ANOS1: variants seen among roughly 807,000 people sequenced by gnomAD.
ANOS1 encodes anosmin 1, also known as anosmin-1.
In ANOS1, 6 loss-of-function variants were observed where a neutral mutation model predicts 59.0. The ratio of observed to expected loss-of-function variants is 0.10; its 90% confidence interval spans 0.06 to 0.20. The LOEUF is 0.20. ANOS1 is among the 10% of genes least tolerant of loss of function. ANOS1 has a pLI of 1.00. For missense variants in ANOS1, 433 were observed against 542.3 expected, an observed-to-expected ratio of 0.80 and a Z score of 2.00; for synonymous variants, 217 against 223.4, an observed-to-expected ratio of 0.97 and a Z score of 0.25.
At chrX:8,695,541 C>G (rs1383452297) in intron 2 of ANOS1, among the ~76,000 whole-genome samples, 1 of 110,951 alleles carries the variant, frequency 9.0e-6, no homozygotes, top group African/African-American at 3.3e-5. Context: ...CTAAATGAAG[C>G]TGAATCAGAA....
At chrX:8,646,820 C>A (rs754726161) in intron 2 of ANOS1, among the ~76,000 whole-genome samples, 1 of 107,316 alleles carries the variant, frequency 9.3e-6, no homozygotes, top group Non-Finnish European at 1.9e-5. Context: ...GTAATCCCAG[C>A]TACTTGGGAG....
intron 4 of ANOS1, among the ~76,000 whole-genome samples, chrX:8,591,745 C>T (rs1450204336): frequency 8.9e-6 from 1 of 112,345 alleles, no homozygotes; most frequent in African/African-American, 3.2e-5. Flanking sequence ...GGCTCAACCC[C>T]CCTCAAGACC....
rs1009205298 is a variant in ANOS1, at chrX:8,529,761, A to G, written c.*3234T>C. On this transcript the variant is annotated 3_prime_UTR_variant, in exon 14 of 14. Transcript: ENST00000262648. Reference sequence around the variant, plus strand: ...CTAGCAATGGTTCTCAACCAGAGGTACCATCCCTCAAGGGGTAGCTGGCAA... The same window carrying G: ...CTAGCAATGGTTCTCAACCAGAGGTGCCATCCCTCAAGGGGTAGCTGGCAA... 1 of 111,728 alleles carries G rather than the reference A, an allele frequency of 9.0e-6. No individual in the cohort carries two copies. The allele number at this position is 111,728 out of a possible 1,213,427, so 9.2% of individuals were successfully genotyped here. A position where few individuals can be genotyped will look rare whatever the true frequency, so the allele number is the denominator to read the frequency against.
At chrX:8,703,382 C>T (rs763177538) in intron 1 of ANOS1, among the ~76,000 whole-genome samples, 1 of 112,268 alleles carries the variant, frequency 8.9e-6, no homozygotes, top group Non-Finnish European at 1.9e-5. Context: ...CGCGGCAATA[C>T]ACCTTTGACT....
intron 3 of ANOS1, among the ~76,000 whole-genome samples, chrX:8,620,044 T>C (rs1376082615): frequency 8.9e-6 from 1 of 112,338 alleles, no homozygotes; most frequent in Non-Finnish European, 1.9e-5. Flanking sequence ...GCAATCCTCC[T>C]GCCTCAGCTT....
At chrX:8,709,523 G>A (rs1349368952) in intron 1 of ANOS1, among the ~76,000 whole-genome samples, 3 of 111,634 alleles carry the variant, frequency 2.7e-5, no homozygotes, top group African/African-American at 9.8e-5. Context: ...TGTCACCCAG[G>A]CTGGAGTGCA....
intron 2 of ANOS1, among the ~76,000 whole-genome samples, chrX:8,645,418 A>G (rs1931736349): frequency 9.0e-6 from 1 of 111,709 alleles, no homozygotes; most frequent in African/African-American, 3.3e-5. Flanking sequence ...CTCAGACCCC[A>G]GGCTCAAAAC....
intron 2 of ANOS1, among the ~76,000 whole-genome samples, chrX:8,644,802 G>A (rs369885069): frequency 1.8e-5 from 2 of 112,404 alleles, no homozygotes; most frequent in Non-Finnish European, 3.8e-5. Flanking sequence ...TCAACCAATC[G>A]CCAATCAGGA....
chrX:8,568,297 C>G lies in ANOS1; in HGVS notation c.1142G>C (p.Gly381Ala). ...VVELQAITYW[G>A]QTRLKSAKVS... ...CTTTGCACTCTTCAGCCGTGTCTGT[C>G]CCCAGTACGTTATGGCTTGCAATTC... The change falls in exon 8 of 14, where the codon GGA (glycine) becomes GCA (alanine). Residue 381 changes from glycine (G) to alanine (A), a missense_variant. By Grantham distance (60) the Gly-to-Ala change is moderately conservative. Transcript: ENST00000262648. 1 of 1,209,266 alleles carries G rather than the reference C, an allele frequency of 8.3e-7. No individual in the cohort carries two copies. The highest frequency in any genetic ancestry group is 1.8e-5 in the South Asian group (1 of 56,918).
intron 3 of ANOS1, among the ~76,000 whole-genome samples, chrX:8,614,275 C>T (rs1476583971): frequency 8.9e-6 from 1 of 112,302 alleles, no homozygotes; most frequent in Non-Finnish European, 1.9e-5. Flanking sequence ...ACAAAAATCA[C>T]TTTCTCAACT....
In ANOS1 at chrX:8,531,659, G is replaced by A. The variant is rs913714020; in HGVS notation, c.*1336C>T. On this transcript the variant is annotated 3_prime_UTR_variant, in exon 14 of 14. Transcript: ENST00000262648. Reference sequence around the variant, plus strand: ...ATTTCTCCAGGGATTCATGCTCAAGGTATATTCATGTATATGCATGTGTCT... The same window carrying A: ...ATTTCTCCAGGGATTCATGCTCAAGATATATTCATGTATATGCATGTGTCT... 1 of 110,911 alleles carries A rather than the reference G, an allele frequency of 9.0e-6. No homozygotes were observed. The highest frequency in any genetic ancestry group is 3.3e-5 in the African/African-American group (1 of 30,507). The allele number at this position is 110,911 out of a possible 1,213,427, so 9.1% of individuals were successfully genotyped here. A position where few individuals can be genotyped will look rare whatever the true frequency, so the allele number is the denominator to read the frequency against.
intron 1 of ANOS1, among the ~76,000 whole-genome samples, chrX:8,725,519 G>GATATAT (rs762026873): frequency 1.6e-5 from 1 of 62,356 alleles, no homozygotes; most frequent in African/African-American, 5.4e-5. Flanking sequence ...ATTATATACA[G>GATATAT]ATATATATAT....
intron 2 of ANOS1, among the ~76,000 whole-genome samples, chrX:8,646,090 G>A (rs778862434): frequency 1.8e-5 from 2 of 112,299 alleles, no homozygotes; most frequent in South Asian, 7.4e-4. Flanking sequence ...CACCGTGCTG[G>A]GACAATTTTA....
At chrX:8,599,791 G>A (rs772049287) in intron 3 of ANOS1, among the ~76,000 whole-genome samples, 3 of 112,026 alleles carry the variant, frequency 2.7e-5, no homozygotes, top group South Asian at 7.5e-4. Context: ...ATCTAGGCAG[G>A]AGACTGAATG....
chrX:8,541,418 C>G (rs766353046), intron 9 of ANOS1, among the ~76,000 whole-genome samples: 6 of 98,430 alleles, frequency 6.1e-5, no homozygotes, highest in Admixed American at 2.2e-4. Context: ...CACCCCCCCC[C>G]CAAAAACAAA....
intron 9 of ANOS1, among the ~76,000 whole-genome samples, chrX:8,546,665 A>G (rs1171518337): frequency 8.9e-6 from 1 of 111,806 alleles, no homozygotes; most frequent in East Asian, 2.8e-4. Context: ...CTGACTGCCT[A>G]TGACATTTTC....
Position 8,570,570 on chromosome X carries a change from A to G in ANOS1, c.991T>C (p.Phe331Leu). The part of the protein sequence containing the change: ...PDIPVHHYKV[F>L]WSWMVSSKSL... Reference sequence around the variant, plus strand: ...TTACTGCTGACCATCCAGCTCCAAAAGACCTTGTAATGATGCACAGGGATG... The same window carrying G: ...TTACTGCTGACCATCCAGCTCCAAAGGACCTTGTAATGATGCACAGGGATG... Residue 331 changes from phenylalanine (F) to leucine (L), a missense_variant, in exon 7 of 14, where the codon TTT (phenylalanine) becomes CTT (leucine). Phe to Leu is a conservative substitution (Grantham distance 22, BLOSUM62 0). Transcript: ENST00000262648. 1 of 1,211,308 alleles carries G rather than the reference A, an allele frequency of 8.3e-7. No homozygotes were observed. Among genetic ancestry groups the G allele is most frequent in the Non-Finnish European group, 1.1e-6 (1 of 895,127 alleles).
chrX:8,602,060 G>A (rs1930852849), intron 3 of ANOS1, among the ~76,000 whole-genome samples: 1 of 111,868 alleles, frequency 8.9e-6, no homozygotes, highest in Non-Finnish European at 1.9e-5. Context: ...GTGTGGATTT[G>A]GTGCAACAGT....
intron 2 of ANOS1, among the ~76,000 whole-genome samples, chrX:8,684,325 G>A (rs1035222290): frequency 2.7e-5 from 3 of 111,376 alleles, no homozygotes; most frequent in Non-Finnish European, 5.6e-5. Flanking sequence ...ATTTACAGTT[G>A]ATTAGCCTGC....
Sources: gnomAD v4.1 joint callset for allele counts (sites outside exome capture counted in the v4.1 genomes callset) on GRCh38, gnomAD v4.1.1 for gene constraint, MANE v1.5 for transcripts, NCBI Gene and HGNC (gene_info 2026-07-23, HGNC 2026-07-21) for gene names.